Variants in TMEM71 observed in about 807,000 individuals in gnomAD.
TMEM71 encodes the protein transmembrane protein 71.
A neutral mutation model predicts 38.0 loss-of-function variants in TMEM71; 44 were observed. That is an observed-to-expected ratio of 1.16 (90% CI 0.91 to 1.49). The LOEUF (loss-of-function observed/expected upper bound fraction) is 1.49, where lower values mean the gene tolerates loss of function less well. TMEM71 is among the 40% of genes most tolerant of loss of function. The pLI is 0.00. For missense variants in TMEM71, 367 were observed against 348.6 expected (o/e 1.05, Z -0.42); for synonymous variants, 133 against 122.5 (o/e 1.09, Z -0.56).
At chr8:132,717,881 A>G (rs548224241) in intron 7 of TMEM71, among the ~76,000 whole-genome samples, 3 of 152,368 alleles carry the variant, frequency 2.0e-5, no homozygotes, top group South Asian at 4.1e-4. Context: ...AAAATGCAGT[A>G]TATCTATGCA....
At chr8:132,774,099 A>C in the TMEM71 span, among the ~76,000 whole-genome samples, 9 of 152,330 alleles carry the variant, frequency 5.9e-5, no homozygotes, top group Admixed American at 2.0e-4. Context: ...GCCATGACAA[A>C]TCTCACTTCT....
Position 132,710,575 on chromosome 8 carries a change from A to G in TMEM71, c.*392T>C, listed in dbSNP as rs1055122113. ...TTCTATTAAAGCAATTCAGCAAGAG[A>G]TAGGTGCATGTGGCAGACCCAGAAA... On this transcript the variant is annotated 3_prime_UTR_variant, in exon 10 of 10. Coordinates refer to ENST00000677595, the MANE Select transcript of TMEM71 (RefSeq NM_001382403.1). The G allele has an allele frequency of 2.3e-4, 95 of 420,006 alleles. No individual in the cohort carries two copies. Among genetic ancestry groups the G allele is most frequent in the Non-Finnish European group, 2.1e-5 (5 of 240,090 alleles). The allele number at this position is 420,006 out of a possible 1,614,324, so 26.0% of individuals were successfully genotyped here. A position where few individuals can be genotyped will look rare whatever the true frequency, so the allele number is the denominator to read the frequency against.
At position 132,757,224 on chromosome 8, in the gene TMEM71, C is replaced by CA. The variant is rs748834189; in HGVS notation, c.101+9dup. ...ATGATTATTTTTTTAAAAGAAGCCCCATAGTATACCTTGGGAAAATGCACG... is the reference window on the plus strand; with the variant it reads ...ATGATTATTTTTTTAAAAGAAGCCCCAATAGTATACCTTGGGAAAATGCACG... On this transcript the variant is annotated intron_variant, in intron 3 of 9. Coordinates refer to ENST00000677595, the MANE Select transcript of TMEM71 (RefSeq NM_001382403.1). 15 of 1,603,540 alleles carry CA rather than the reference C, an allele frequency of 9.4e-6. No individual in the cohort carries two copies. The highest frequency in any genetic ancestry group is 1.1e-5 in the Non-Finnish European group (13 of 1,172,018).
downstream of TMEM71, among the ~76,000 whole-genome samples, chr8:132,706,788 A>G (rs1365051964): frequency 6.6e-6 from 1 of 152,192 alleles, no homozygotes; most frequent in East Asian, 1.9e-4. Flanking sequence ...TATTCCCAAT[A>G]AAGAAGATGT....
chr8:132,729,837 G>GA (rs1273591687), intron 5 of TMEM71, among the ~76,000 whole-genome samples: 4 of 151,998 alleles, frequency 2.6e-5, no homozygotes, highest in African/African-American at 9.7e-5. Context: ...GGATGGCTAA[G>GA]AAAAAAAATC....
chr8:132,772,449 C>T, the TMEM71 span, among the ~76,000 whole-genome samples: 123 of 152,262 alleles, frequency 8.1e-4, 1 homozygote, highest in Non-Finnish European at 9.6e-4. Context: ...GATCAATGCA[C>T]GGCTTCACTA....
chr8:132,775,645 G>T, the TMEM71 span: 1 of 338,762 alleles, frequency 3.0e-6, no homozygotes, highest in Non-Finnish European at 5.3e-6. Context: ...AGGCCGAGTC[G>T]GTAAGAGGCG....
chr8:132,759,296 A>G (rs78091770), intron 1 of TMEM71: 1 of 157,354 alleles, frequency 6.4e-6, no homozygotes, highest in African/African-American at 2.4e-5. Flanking sequence ...AAACAAACTT[A>G]CGTGTATTTT....
At chr8:132,717,794 A>G (rs145263953) in intron 7 of TMEM71, among the ~76,000 whole-genome samples, 294 of 152,342 alleles carry the variant, frequency 1.9e-3, no homozygotes, top group African/African-American at 6.9e-3. Context: ...CTTGTGCACC[A>G]GTGTTCATAG....
chr8:132,712,557 A>G (rs142048434), intron 9 of TMEM71, among the ~76,000 whole-genome samples: 20 of 152,208 alleles, frequency 1.3e-4, no homozygotes, highest in South Asian at 4.1e-4. Context: ...CACTTACCAT[A>G]TTAAAAGGCA....
At chr8:132,739,575 T>G (rs1327481915) in intron 5 of TMEM71, among the ~76,000 whole-genome samples, 3 of 152,152 alleles carry the variant, frequency 2.0e-5, no homozygotes, top group Non-Finnish European at 4.4e-5. Flanking sequence ...CCTCCCAAAG[T>G]GCTGGGATTA....
the TMEM71 span, chr8:132,775,382 C>G: frequency 8.1e-6 from 3 of 368,584 alleles, no homozygotes; most frequent in Non-Finnish European, 9.6e-6. Flanking sequence ...GGCCCGGCGT[C>G]GCGTCAGGGC....
chr8:132,757,192 G>A (rs201047755), intron 3 of TMEM71, 42 bp downstream of exon 3: 473 of 1,497,208 alleles, frequency 3.2e-4, no homozygotes, highest in Non-Finnish European at 4.2e-4. Flanking sequence ...CACCACGCCC[G>A]GCCAGAATGA....
chr8:132,741,979 C>T (rs1026072190), intron 5 of TMEM71, among the ~76,000 whole-genome samples: 32 of 152,362 alleles, frequency 2.1e-4, no homozygotes, highest in East Asian at 5.8e-4. Flanking sequence ...TCTTCCCAGA[C>T]GCTGGCGTCA....
At chr8:132,759,216 A>G in intron 1 of TMEM71, 1 of 215,564 alleles carries the variant, frequency 4.6e-6, no homozygotes, top group Non-Finnish European at 9.1e-6. Context: ...TCCAAAGAAA[A>G]TAATGAAAGT....
At chr8:132,774,427 A>C in the TMEM71 span, among the ~76,000 whole-genome samples, 2 of 152,244 alleles carry the variant, frequency 1.3e-5, no homozygotes, top group East Asian at 3.8e-4. Context: ...TTAGTGACTT[A>C]GTAGATGCTG....
At position 132,726,854 on chromosome 8, in the gene TMEM71, CT is replaced by C. The variant is rs138185825; in HGVS notation, c.676+943del. Among the ~76,000 whole-genome samples, 1,368 of 139,774 alleles carry C rather than the reference CT, an allele frequency of 9.8e-3. 16 individuals carry two copies. The highest frequency in any genetic ancestry group is 0.028 in the African/African-American group (1,034 of 37,508). The allele number at this position is 139,774 out of a possible 152,430, so 91.7% of individuals were successfully genotyped here. ...TTTGTTGTTTCCTCTTCTTCTTCTT[CT>C]TTTTTTTTTTTTTGGAGTCTTACTC... On this transcript the variant is annotated intron_variant, in intron 6 of 9. Coordinates refer to ENST00000677595, the MANE Select transcript of TMEM71 (RefSeq NM_001382403.1).
chr8:132,722,485 C>T (rs1408367167), intron 6 of TMEM71, among the ~76,000 whole-genome samples: 1 of 152,116 alleles, frequency 6.6e-6, no homozygotes, highest in Admixed American at 6.6e-5. Context: ...CTGTAAAGTG[C>T]CTTATAATTC....
chr8:132,713,278 G>A (rs1171857158), intron 9 of TMEM71, among the ~76,000 whole-genome samples: 1 of 151,778 alleles, frequency 6.6e-6, no homozygotes, highest in Non-Finnish European at 1.5e-5. Context: ...GAAATTATGG[G>A]AAGCATCACT....
Sources: gnomAD v4.1 joint callset for allele counts (sites outside exome capture counted in the v4.1 genomes callset) on GRCh38, gnomAD v4.1.1 for gene constraint, MANE v1.5 for transcripts, NCBI Gene and HGNC (gene_info 2026-07-23, HGNC 2026-07-21) for gene names.